GRM7: variants seen among roughly 807,000 people sequenced by gnomAD.
GRM7 encodes the protein glutamate metabotropic receptor 7.
A neutral mutation model predicts 84.5 loss-of-function variants in GRM7; 35 were observed. The ratio of observed to expected loss-of-function variants is 0.41; its 90% CI spans 0.32 to 0.55. The LOEUF (loss-of-function observed/expected upper bound fraction) is 0.55, where lower values mean the gene tolerates loss of function less well. GRM7 is among the 20% of genes least tolerant of loss of function. The probability of loss-of-function intolerance (pLI) is 0.19; values close to 1 mark genes in which losing one functional copy is unlikely to be tolerated. For synonymous variants in GRM7, 487 were observed against 455.1 expected, an observed-to-expected ratio of 1.07 and a Z score of -0.89; for missense variants, 1,003 against 1,194.6, an observed-to-expected ratio of 0.84 and a Z score of 2.36.
intron 1 of GRM7, among the ~76,000 whole-genome samples, chr3:7,035,372 G>A (rs776682665): frequency 2.0e-4 from 31 of 152,076 alleles, no homozygotes; most frequent in Admixed American, 5.9e-4. Context: ...ATATGGTCAC[G>A]TGAGAGTAGG....
At chr3:7,632,115 T>TGTAA (rs1401224829) in intron 8 of GRM7, among the ~76,000 whole-genome samples, 1 of 152,088 alleles carries the variant, frequency 6.6e-6, no homozygotes, top group African/African-American at 2.4e-5. Flanking sequence ...TGCAGGCTTG[T>TGTAA]GTAAGTGGAG....
chr3:7,059,341 T>C (rs1039331986), intron 1 of GRM7, among the ~76,000 whole-genome samples: 2 of 151,826 alleles, frequency 1.3e-5, no homozygotes, highest in Non-Finnish European at 2.9e-5. Flanking sequence ...TACTTGTTTA[T>C]ACACTGTCTC....
At chr3:7,531,210 C>A in intron 7 of GRM7, among the ~76,000 whole-genome samples, 1 of 152,126 alleles carries the variant, frequency 6.6e-6, no homozygotes, top group East Asian at 1.9e-4. Flanking sequence ...GAATCTTCCC[C>A]ATTGCTTGTT....
intron 3 of GRM7, among the ~76,000 whole-genome samples, chr3:7,299,570 T>C (rs879702471): frequency 6.6e-6 from 1 of 152,226 alleles, no homozygotes; most frequent in Non-Finnish European, 1.5e-5. Context: ...TCTCTCCAGG[T>C]ACAATAACTA....
At chr3:7,062,978 A>G (rs919152508) in intron 1 of GRM7, among the ~76,000 whole-genome samples, 2 of 151,746 alleles carry the variant, frequency 1.3e-5, no homozygotes, top group Non-Finnish European at 2.9e-5. Flanking sequence ...TCTTATTCCC[A>G]CTGGTGTTTG....
intron 1 of GRM7, among the ~76,000 whole-genome samples, chr3:6,925,335 G>C (rs1410460483): frequency 1.3e-5 from 2 of 152,116 alleles, no homozygotes; most frequent in Non-Finnish European, 2.9e-5. Context: ...ATTAATGAAT[G>C]AATGAATCAA....
intron 2 of GRM7, among the ~76,000 whole-genome samples, chr3:7,279,740 G>A (rs996673031): frequency 2.0e-5 from 3 of 152,116 alleles, no homozygotes; most frequent in Non-Finnish European, 4.4e-5. Flanking sequence ...TGCATTACAT[G>A]CTCTTCAAGG....
intron 9 of GRM7, among the ~76,000 whole-genome samples, chr3:7,697,814 T>A (rs779990797): frequency 9.9e-5 from 15 of 152,120 alleles, no homozygotes; most frequent in Admixed American, 3.3e-4. Flanking sequence ...GAGACAGCAT[T>A]CCACTCTGCA....
At chr3:7,103,344 G>A (rs960652145) in intron 1 of GRM7, among the ~76,000 whole-genome samples, 5 of 151,698 alleles carry the variant, frequency 3.3e-5, no homozygotes, top group Non-Finnish European at 7.4e-5. Flanking sequence ...CTCTAATTTG[G>A]TAGGAGTCAG....
At position 7,716,677 on chromosome 3, in the gene GRM7, T is replaced by G. The variant is rs139234087; in HGVS notation, c.2699-23680T>G. ...GGACATCCTACTCCCATGGGTTGAA[T>G]GATGCTGCTGATTGATTTTGTTTTT... On this transcript the variant is annotated intron_variant, in intron 9 of 9. Coordinates refer to ENST00000357716, the MANE Select transcript of GRM7 (RefSeq NM_000844.4). Among the ~76,000 whole-genome samples, 375 of 152,330 alleles carry G rather than the reference T, an allele frequency of 2.5e-3. 2 individuals are homozygous for G. The highest frequency in any genetic ancestry group is 4.3e-3 in the Non-Finnish European group (295 of 68,024).
intron 9 of GRM7, among the ~76,000 whole-genome samples, chr3:7,710,673 C>T (rs886323071): frequency 6.6e-6 from 1 of 152,100 alleles, no homozygotes; most frequent in Non-Finnish European, 1.5e-5. Flanking sequence ...AGTCCTTCCC[C>T]GGTAAACTTC....
intron 7 of GRM7, among the ~76,000 whole-genome samples, chr3:7,534,638 G>A (rs1028815556): frequency 3.9e-5 from 6 of 152,014 alleles, no homozygotes; most frequent in South Asian, 2.1e-4. Flanking sequence ...TTAAATTTCA[G>A]TCGTTGTGGT....
chr3:7,255,316 T>A (rs1190192274), intron 2 of GRM7, among the ~76,000 whole-genome samples: 3 of 152,218 alleles, frequency 2.0e-5, no homozygotes, highest in Non-Finnish European at 4.4e-5. Flanking sequence ...TTAAATCTCA[T>A]CTTGACTAAT....
intron 7 of GRM7, among the ~76,000 whole-genome samples, chr3:7,566,556 G>A (rs184905674): frequency 8.1e-4 from 123 of 152,188 alleles, no homozygotes; most frequent in African/African-American, 2.8e-3. Flanking sequence ...AGAGTGAGAA[G>A]AAATAGGAGG....
chr3:7,222,268 T>G (rs1508707), intron 2 of GRM7, among the ~76,000 whole-genome samples: 11 of 151,748 alleles, frequency 7.2e-5, no homozygotes, highest in Non-Finnish European at 1.3e-4. Context: ...CCACTGATCA[T>G]TGAATCAAAC....
chr3:7,355,070 C>A (rs141060569), intron 4 of GRM7, among the ~76,000 whole-genome samples: 1 of 152,126 alleles, frequency 6.6e-6, no homozygotes, highest in Admixed American at 6.6e-5. Flanking sequence ...ATTGGTAAAA[C>A]ATTTGCTTAT....
intron 8 of GRM7, among the ~76,000 whole-genome samples, chr3:7,642,548 C>A (rs556341928): frequency 6.6e-6 from 1 of 152,196 alleles, no homozygotes; most frequent in South Asian, 2.1e-4. Flanking sequence ...TCAAGTAAGT[C>A]TAAATACAGT....
intron 9 of GRM7, among the ~76,000 whole-genome samples, chr3:7,737,559 A>C (rs1256028333): frequency 6.6e-6 from 1 of 152,170 alleles, no homozygotes; most frequent in Non-Finnish European, 1.5e-5. Context: ...ACAGGCACTT[A>C]TTTTATTTAC....
chr3:7,171,322 A>G (rs1054281201), intron 2 of GRM7, among the ~76,000 whole-genome samples: 16 of 152,084 alleles, frequency 1.1e-4, no homozygotes, highest in African/African-American at 3.9e-4. Flanking sequence ...CATGCATTCC[A>G]GATTAGGGCC....
Sources: gnomAD v4.1 joint callset for allele counts (sites outside exome capture counted in the v4.1 genomes callset) on GRCh38, gnomAD v4.1.1 for gene constraint, MANE v1.5 for transcripts, NCBI Gene and HGNC (gene_info 2026-07-23, HGNC 2026-07-21) for gene names.